PLCG2: variants seen among roughly 807,000 people sequenced by gnomAD.
PLCG2 encodes 1-phosphatidylinositol 4,5-bisphosphate phosphodiesterase gamma-2.
Under a neutral mutation model 175.6 loss-of-function variants are expected in PLCG2, and 69 were observed. The ratio of observed to expected loss-of-function variants is 0.39; its 90% CI spans 0.32 to 0.48. PLCG2 has a LOEUF of 0.48. Among genes scored for constraint, PLCG2 ranks in the 20% least tolerant of loss-of-function variants. The pLI, the probability that PLCG2 is intolerant of heterozygous loss-of-function variation, is 0.91. For missense variants in PLCG2, 1,798 were observed against 1,650.9 expected (o/e 1.09, Z -1.54); for synonymous variants, 827 against 624.0 (o/e 1.33, Z -4.85).
chr16:81,886,896 G>C (rs151222919), intron 9 of PLCG2, among the ~76,000 whole-genome samples: 1 of 152,088 alleles, frequency 6.6e-6, no homozygotes. Flanking sequence ...CACTATTACA[G>C]GTATCTAGTG....
chr16:81,841,407 A>G (rs1297310143), intron 2 of PLCG2, among the ~76,000 whole-genome samples: 1 of 151,828 alleles, frequency 6.6e-6, no homozygotes, highest in African/African-American at 2.4e-5. Flanking sequence ...TGCCCAGCTA[A>G]TTTTTGTATT....
intron 8 of PLCG2, among the ~76,000 whole-genome samples, chr16:81,882,043 C>A (rs975951836): frequency 3.9e-5 from 6 of 152,176 alleles, no homozygotes; most frequent in Non-Finnish European, 7.4e-5. Flanking sequence ...TCAAAGACAA[C>A]AGACTCCTGG....
chr16:81,877,685 G>A (rs116481318), intron 7 of PLCG2, among the ~76,000 whole-genome samples: 1,916 of 152,282 alleles, frequency 0.013, 45 homozygotes, highest in African/African-American at 0.043. Flanking sequence ...AGTGTTCCTC[G>A]GTGTGTAGAT....
intron 8 of PLCG2, among the ~76,000 whole-genome samples, chr16:81,882,623 G>A (rs577410341): frequency 6.6e-6 from 1 of 152,002 alleles, no homozygotes; most frequent in Non-Finnish European, 1.5e-5. Flanking sequence ...TCTGGCCTGC[G>A]TTCCCTCGCT....
chr16:81,832,078 G>A (rs1905281910), intron 2 of PLCG2, among the ~76,000 whole-genome samples: 2 of 149,818 alleles, frequency 1.3e-5, no homozygotes, highest in Admixed American at 6.8e-5. Context: ...TCGTCCTCCG[G>A]CCTCAGTCTT....
intron 2 of PLCG2, among the ~76,000 whole-genome samples, chr16:81,802,086 G>C (rs1234514082): frequency 9.3e-6 from 1 of 107,390 alleles, no homozygotes; most frequent in African/African-American, 3.3e-5. Context: ...CTTCAGGTGA[G>C]TACAGTCTTT....
intron 2 of PLCG2, among the ~76,000 whole-genome samples, chr16:81,769,811 C>G (rs1297919680): frequency 9.3e-6 from 1 of 107,200 alleles, no homozygotes; most frequent in African/African-American, 3.9e-5. Context: ...CAGAGCGAGA[C>G]TCCGTCTCAA....
chr16:81,865,213 G>C (rs1278555122), intron 5 of PLCG2, among the ~76,000 whole-genome samples: 1 of 152,130 alleles, frequency 6.6e-6, no homozygotes, highest in East Asian at 1.9e-4. Context: ...TGCCTTGGAA[G>C]GGGCTTTGAC....
At chr16:81,841,595 G>C (rs1370348735) in intron 2 of PLCG2, among the ~76,000 whole-genome samples, 1 of 152,090 alleles carries the variant, frequency 6.6e-6, no homozygotes, top group Non-Finnish European at 1.5e-5. Context: ...TAGGGTGTAT[G>C]TTCTTTTTCC....
Position 81,891,369 on chromosome 16 carries a change from C to A in PLCG2, c.868-103C>A, listed in dbSNP as rs1180256211. 13 of 745,586 alleles carry A rather than the reference C, an allele frequency of 1.7e-5. No individual in the cohort carries two copies. The African/African-American group carries it at 2.0e-4, about 12-fold the overall frequency. The allele number at this position is 745,586 out of a possible 1,614,324, so 46.2% of individuals were successfully genotyped here. A position where few individuals can be genotyped will look rare whatever the true frequency, so the allele number is the denominator to read the frequency against. On this transcript the variant is annotated intron_variant, in intron 10 of 32. Transcript: ENST00000564138. ...CTGGAGACCGCCTGTTGATTTCCCGCATCAGAGCTGTTCTTCCCCCCTGGT... is the reference window on the plus strand; with the variant it reads ...CTGGAGACCGCCTGTTGATTTCCCGAATCAGAGCTGTTCTTCCCCCCTGGT...
chr16:81,749,675 A>C (rs1909768355), intron 1 of PLCG2, among the ~76,000 whole-genome samples: 1 of 152,156 alleles, frequency 6.6e-6, no homozygotes, highest in Non-Finnish European at 1.5e-5. Context: ...AATTTAAAGA[A>C]ATAGATGAGT....
intron 31 of PLCG2, among the ~76,000 whole-genome samples, chr16:81,951,683 A>G (rs1213033466): frequency 3.3e-5 from 5 of 152,214 alleles, no homozygotes; most frequent in Non-Finnish European, 1.5e-5. Flanking sequence ...TTAAACTTCA[A>G]AAAATAGCAA....
intron 2 of PLCG2, among the ~76,000 whole-genome samples, chr16:81,805,767 GTTTT>G (rs766609754): frequency 2.5e-5 from 1 of 39,520 alleles, no homozygotes; most frequent in Non-Finnish European, 5.3e-5. Flanking sequence ...GTTTTGTTTT[GTTTT>G]TTTTTTTTTT....
intron 2 of PLCG2, among the ~76,000 whole-genome samples, chr16:81,846,660 A>G (rs1035672337): frequency 1.3e-5 from 2 of 152,258 alleles, no homozygotes; most frequent in African/African-American, 4.8e-5. Flanking sequence ...GTCCATGTTC[A>G]TGGATAGGAA....
intron 2 of PLCG2, among the ~76,000 whole-genome samples, chr16:81,825,955 A>C (rs1040318153): frequency 1.3e-5 from 2 of 152,180 alleles, no homozygotes; most frequent in Admixed American, 1.3e-4. Context: ...GGACCAGAGA[A>C]ATTTTCTCAG....
chr16:81,923,203 G>T (rs1346963816), intron 21 of PLCG2, among the ~76,000 whole-genome samples: 1 of 150,924 alleles, frequency 6.6e-6, no homozygotes, highest in African/African-American at 2.4e-5. Context: ...CCTAACCCCA[G>T]CGCTAAACCC....
intron 5 of PLCG2, among the ~76,000 whole-genome samples, chr16:81,859,621 G>A (rs1459950572): frequency 6.6e-6 from 1 of 151,680 alleles, no homozygotes; most frequent in African/African-American, 2.4e-5. Context: ...TGCGAGCTCC[G>A]CCTCCTGGGT....
At chr16:81,896,622 G>A (rs1188302593) in intron 13 of PLCG2, among the ~76,000 whole-genome samples, 1 of 151,998 alleles carries the variant, frequency 6.6e-6, no homozygotes, top group South Asian at 2.1e-4. Context: ...AAAAAGTGAG[G>A]CAAGGAAAGT....
chr16:81,800,902 C>T (rs531556222), intron 2 of PLCG2, among the ~76,000 whole-genome samples: 1 of 152,154 alleles, frequency 6.6e-6, no homozygotes, highest in Admixed American at 6.5e-5. Context: ...GCAGGAGGGT[C>T]AGAGTCAGAG....
Sources: gnomAD v4.1 joint callset for allele counts (sites outside exome capture counted in the v4.1 genomes callset) on GRCh38, gnomAD v4.1.1 for gene constraint, MANE v1.5 for transcripts, NCBI Gene and HGNC (gene_info 2026-07-23, HGNC 2026-07-21) for gene names.